Variants in SGCZ observed in about 807,000 individuals in gnomAD.
SGCZ encodes the protein sarcoglycan zeta.
In SGCZ, 40 loss-of-function variants were observed where a neutral mutation model predicts 41.3. The observed-to-expected ratio is 0.97, with a 90% CI of 0.75 to 1.26. The LOEUF (loss-of-function observed/expected upper bound fraction) is 1.26, where lower values mean the gene tolerates loss of function less well. SGCZ is among the 50% of genes most tolerant of loss of function. The pLI is 0.00. For synonymous variants in SGCZ, 206 were observed against 137.5 expected, an observed-to-expected ratio of 1.50 and a Z score of -3.49; for missense variants, 552 against 369.8, an observed-to-expected ratio of 1.49 and a Z score of -4.04.
chr8:15,137,101 C>G (rs1008301766), intron 1 of SGCZ, among the ~76,000 whole-genome samples: 1 of 152,100 alleles, frequency 6.6e-6, no homozygotes, highest in Non-Finnish European at 1.5e-5. Context: ...CAATAAAGTC[C>G]AGGCTGAGAT....
intron 1 of SGCZ, among the ~76,000 whole-genome samples, chr8:15,232,775 A>G (rs545009886): frequency 1.5e-5 from 2 of 132,642 alleles, no homozygotes; most frequent in Non-Finnish European, 3.3e-5. Context: ...GTGTATATAT[A>G]TACATATATA....
At chr8:15,011,982 G>T (rs6992613) in intron 1 of SGCZ, among the ~76,000 whole-genome samples, 37,715 of 151,944 alleles carry the variant, frequency 0.25, 5,089 homozygotes, top group East Asian at 0.4. Flanking sequence ...AAGAAGAGTA[G>T]CTCTATTAGA....
chr8:15,066,056 C>T (rs1270200061), intron 1 of SGCZ, among the ~76,000 whole-genome samples: 1 of 151,988 alleles, frequency 6.6e-6, no homozygotes, highest in Non-Finnish European at 1.5e-5. Flanking sequence ...CGCCTGTAAT[C>T]CCAGCACTTT....
chr8:15,073,738 C>G (rs1309471227), intron 1 of SGCZ, among the ~76,000 whole-genome samples: 1 of 152,152 alleles, frequency 6.6e-6, no homozygotes, highest in Non-Finnish European at 1.5e-5. Flanking sequence ...ACCCTGCTGT[C>G]CTAAAATGTG....
At chr8:15,226,258 CT>C (rs1282145423) in intron 1 of SGCZ, among the ~76,000 whole-genome samples, 1 of 152,150 alleles carries the variant, frequency 6.6e-6, no homozygotes, top group Non-Finnish European at 1.5e-5. Context: ...AGGGACAGAG[CT>C]GTCAAATTCC....
At chr8:14,547,012 T>C (rs1419517527) in intron 2 of SGCZ, among the ~76,000 whole-genome samples, 1 of 151,986 alleles carries the variant, frequency 6.6e-6, no homozygotes, top group Non-Finnish European at 1.5e-5. Flanking sequence ...CTATAATGCA[T>C]ATAATCTTGC....
Position 15,209,791 on chromosome 8 carries a change from T to G in SGCZ, c.39+27794A>C, listed in dbSNP as rs144219723. On this transcript the variant is annotated intron_variant, in intron 1 of 7. Coordinates refer to ENST00000382080, the MANE Select transcript of SGCZ (RefSeq NM_139167.4). ...AAAAAATTAATTAATTAAAAAAACT[T>G]TTTTTATACTCTAGCGTAGGCTGTA... 9.2e-5 allele frequency among the ~76,000 whole-genome samples: 14 copies of G among 152,254 alleles called. No individual in the cohort carries two copies. In the East Asian group the frequency reaches 2.5e-3, roughly 27 times the overall value.
intron 1 of SGCZ, among the ~76,000 whole-genome samples, chr8:15,075,726 A>T (rs932212008): frequency 1.3e-5 from 2 of 152,162 alleles, no homozygotes; most frequent in African/African-American, 4.8e-5. Flanking sequence ...TAATTACACA[A>T]AATGCCTTTA....
chr8:14,194,579 CAT>C (rs1224737448), intron 4 of SGCZ, among the ~76,000 whole-genome samples: 1 of 151,804 alleles, frequency 6.6e-6, no homozygotes, highest in Non-Finnish European at 1.5e-5. Context: ...GGAATAATAA[CAT>C]AATAATAAAA....
At chr8:14,242,072 A>G (rs1057320895) in intron 3 of SGCZ, among the ~76,000 whole-genome samples, 2 of 152,190 alleles carry the variant, frequency 1.3e-5, no homozygotes, top group Non-Finnish European at 2.9e-5. Flanking sequence ...TGGTAGCCAG[A>G]CAGACAATAA....
chr8:15,072,463 T>C (rs780206570), intron 1 of SGCZ, among the ~76,000 whole-genome samples: 1 of 152,186 alleles, frequency 6.6e-6, no homozygotes, highest in Non-Finnish European at 1.5e-5. Context: ...GCATTTTTTC[T>C]ACAAACACGT....
intron 2 of SGCZ, among the ~76,000 whole-genome samples, chr8:14,467,265 AAG>A (rs1215286535): frequency 1.3e-5 from 2 of 152,012 alleles, no homozygotes; most frequent in East Asian, 3.8e-4. Flanking sequence ...AGTTTAAAAA[AAG>A]AGAAAAATAA....
intron 5 of SGCZ, among the ~76,000 whole-genome samples, chr8:14,111,580 T>C (rs916207633): frequency 1.3e-5 from 2 of 152,200 alleles, no homozygotes; most frequent in Admixed American, 6.5e-5. Context: ...GGGTACAATG[T>C]TCAACACTGC....
intron 6 of SGCZ, among the ~76,000 whole-genome samples, chr8:14,103,700 C>G (rs761272525): frequency 1.3e-5 from 2 of 151,906 alleles, no homozygotes; most frequent in Non-Finnish European, 2.9e-5. Flanking sequence ...TCCCTATGGG[C>G]CATTTGGAGA....
In SGCZ at chr8:14,660,435, G is replaced by C. The variant is rs937034518; in HGVS notation, c.40-105509C>G. Among the ~76,000 whole-genome samples, 2 of 151,798 alleles carry C rather than the reference G, an allele frequency of 1.3e-5. 1 individual carries two copies. The highest frequency in any genetic ancestry group is 4.2e-4 in the South Asian group (2 of 4,802). On this transcript the variant is annotated intron_variant, in intron 1 of 7. Coordinates refer to ENST00000382080, the MANE Select transcript of SGCZ (RefSeq NM_139167.4). ...AAAAATACTCAAATTAGCCAGGCGT[G>C]GTGGTGGGCACCTGTAATCCCAACT...
chr8:14,290,437 T>C (rs34148827), intron 3 of SGCZ, among the ~76,000 whole-genome samples: 81,048 of 151,904 alleles, frequency 0.53, 24,203 homozygotes, highest in Non-Finnish European at 0.68. Context: ...CAACTGCACA[T>C]CTTATAAGGG....
chr8:14,424,859 T>G (rs950033821), intron 2 of SGCZ, among the ~76,000 whole-genome samples: 2 of 152,200 alleles, frequency 1.3e-5, no homozygotes, highest in African/African-American at 2.4e-5. Context: ...CCTGGCTGAT[T>G]TGAACGGCTG....
chr8:14,838,242 G>A (rs911412696), intron 1 of SGCZ, among the ~76,000 whole-genome samples: 2 of 152,158 alleles, frequency 1.3e-5, no homozygotes, highest in African/African-American at 4.8e-5. Context: ...AGGGGCTAGT[G>A]TTCAGTAGTA....
chr8:14,571,025 T>G (rs888359942), intron 1 of SGCZ, among the ~76,000 whole-genome samples: 1 of 152,222 alleles, frequency 6.6e-6, no homozygotes, highest in African/African-American at 2.4e-5. Flanking sequence ...TAGTCAGTTT[T>G]CGCACTGCTA....
Sources: gnomAD v4.1 joint callset for allele counts (sites outside exome capture counted in the v4.1 genomes callset) on GRCh38, gnomAD v4.1.1 for gene constraint, MANE v1.5 for transcripts, NCBI Gene and HGNC (gene_info 2026-07-23, HGNC 2026-07-21) for gene names.